DNAH10: variants seen among roughly 807,000 people sequenced by gnomAD.
DNAH10 encodes the protein dynein axonemal heavy chain 10.
Under a neutral mutation model 506.6 loss-of-function variants are expected in DNAH10, and 348 were observed. The ratio of observed to expected loss-of-function variants is 0.69; its 90% CI spans 0.63 to 0.75. The LOEUF (loss-of-function observed/expected upper bound fraction) is 0.75, where lower values mean the gene tolerates loss of function less well. DNAH10 is among the 30% of genes least tolerant of loss of function. The probability of loss-of-function intolerance (pLI) is 0.00; values close to 1 mark genes in which losing one functional copy is unlikely to be tolerated. For synonymous variants in DNAH10, 2,059 were observed against 2,198.6 expected, an observed-to-expected ratio of 0.94 and a Z score of 1.78; for missense variants, 5,179 against 5,787.1, an observed-to-expected ratio of 0.89 and a Z score of 3.41.
chr12:123,797,744 T>A (rs532361782), intron 13 of DNAH10, among the ~76,000 whole-genome samples: 23 of 152,262 alleles, frequency 1.5e-4, no homozygotes, highest in African/African-American at 4.1e-4. Flanking sequence ...TCTTCCAGAA[T>A]GTGGTCATGT....
chr12:123,931,025 A>G (rs775196727), intron 73 of DNAH10, among the ~76,000 whole-genome samples: 7 of 152,192 alleles, frequency 4.6e-5, no homozygotes, highest in African/African-American at 7.2e-5. Flanking sequence ...TCTACAAAAA[A>G]TAAACAAAAA....
rs531955142 is a variant in DNAH10, at chr12:123,933,296, C to T, written c.13297-35C>T. 222 of 1,413,338 alleles carry T rather than the reference C, an allele frequency of 1.6e-4. 1 individual carries two copies. The highest frequency in any genetic ancestry group is 1.1e-3 in the Middle Eastern group (4 of 3,774). The allele number at this position is 1,413,338 out of a possible 1,614,324, so 87.5% of individuals were successfully genotyped here. A position where few individuals can be genotyped will look rare whatever the true frequency, so the allele number is the denominator to read the frequency against. On this transcript the variant is annotated intron_variant, in intron 76 of 78. Coordinates refer to ENST00000673944, the MANE Select transcript of DNAH10 (RefSeq NM_001372106.1). ...TTTGACCTGGCATTGGATGGCAGCC[C>T]CAGGCTCCCAGCACTTGTCCTCTCT... is the stretch of plus-strand genomic sequence containing the variant.
At position 123,935,486 on chromosome 12, in the gene DNAH10, T is replaced by C. The variant is rs1278131029; in HGVS notation, c.*5T>C. ...CTCACCCTGAATTCTGATTAACCTT[T>C]GGGTGAAGAAAACTGCTTAATGAAT... On this transcript the variant is annotated 3_prime_UTR_variant, in exon 79 of 79. Coordinates refer to ENST00000673944, the MANE Select transcript of DNAH10 (RefSeq NM_001372106.1). The C allele has an allele frequency of 8.2e-6, 13 of 1,576,314 alleles. No individual in the cohort carries two copies. Among genetic ancestry groups the C allele is most frequent in the Non-Finnish European group, 1.1e-5 (13 of 1,149,754 alleles).
chr12:123,878,822 C>T (rs563032263), intron 48 of DNAH10, among the ~76,000 whole-genome samples: 1 of 152,188 alleles, frequency 6.6e-6, no homozygotes, highest in East Asian at 1.9e-4. Flanking sequence ...TCACTTAAGC[C>T]CAGGAATTTG....
At chr12:123,920,482 T>C (rs1016929331) in intron 65 of DNAH10, among the ~76,000 whole-genome samples, 1 of 152,230 alleles carries the variant, frequency 6.6e-6, no homozygotes, top group Non-Finnish European at 1.5e-5. Context: ...CCAATAAAAC[T>C]TTTTTAGCAA....
chr12:123,904,139 A>G (rs1005122565), intron 57 of DNAH10, among the ~76,000 whole-genome samples: 1 of 152,194 alleles, frequency 6.6e-6, no homozygotes, highest in African/African-American at 2.4e-5. Flanking sequence ...TCACTCCAGG[A>G]CAGAATGACC....
In DNAH10 at chr12:123,929,855, C is replaced by G. The variant is rs187566230; in HGVS notation, c.12612+96C>G. The G allele has an allele frequency of 2.5e-4, 267 of 1,086,110 alleles. No individual in the cohort carries two copies. In the African/African-American group the frequency reaches 3.5e-3, roughly 14 times the overall value. 67.3% of individuals were successfully genotyped at this position (1,086,110 alleles called of 1,614,324 possible). ...TCCTCTGAGCCCTCAGAACCAGCCTCTTCTGCCCCTGTGTTCCCCTTGGGT... is the reference window on the plus strand; with the variant it reads ...TCCTCTGAGCCCTCAGAACCAGCCTGTTCTGCCCCTGTGTTCCCCTTGGGT... On this transcript the variant is annotated intron_variant, in intron 72 of 78. Transcript: ENST00000673944.
rs777063479 is a variant in DNAH10 at position 123,926,724 on chromosome 12, C to T, written c.12009C>T (p.Gly4003=). 1.2e-6 allele frequency: 2 copies of T among 1,613,988 alleles called. No individual in the cohort carries two copies. The highest frequency in any genetic ancestry group is 2.2e-5 in the South Asian group (2 of 91,088). ...CCATTGTGTTTATCCTGAGTCCTGG[C>T]TCCGACCCTGCCACTGATCTTATGA... ...HSPIVFILSP[G]SDPATDLMKL... The change falls in exon 69 of 79, where the codon GGC becomes GGT. Residue 4003 remains glycine, a synonymous_variant. Transcript: ENST00000673944. The surrounding 1 kb of genome is among the most constrained non-coding windows in gnomAD (Gnocchi z 4.1).
In DNAH10 at chr12:123,846,127, C is replaced by A. The variant is rs371272986; in HGVS notation, c.5787C>A (p.Thr1929=). Residue 1929 remains threonine (T), a synonymous_variant, in exon 32 of 79, where the codon ACC becomes ACA. Transcript: ENST00000673944. The surrounding 1 kb of genome is among the most constrained non-coding windows in gnomAD (Gnocchi z 4.5). ...GCAGGCTGGTCATCACGCCCCTCAC[C>A]GATCGGATTTACCTGACGCTCACCC... is the stretch of plus-strand genomic sequence containing the variant. ...LNGRLVITPL[T]DRIYLTLTQA... 1.2e-6 allele frequency: 2 copies of A among 1,613,586 alleles called. No homozygotes were observed. Among genetic ancestry groups the A allele is most frequent in the African/African-American group, 2.7e-5 (2 of 74,940 alleles).
chr12:123,795,068 A>G (rs1958225099), intron 12 of DNAH10, among the ~76,000 whole-genome samples: 1 of 149,372 alleles, frequency 6.7e-6, no homozygotes, highest in Admixed American at 6.7e-5. Flanking sequence ...GAGTCGCTTG[A>G]ACCCGGGAAG....
intron 21 of DNAH10, 48 bp downstream of exon 21, chr12:123,813,960 C>T (rs776324230): frequency 6.7e-7 from 1 of 1,503,574 alleles, no homozygotes; most frequent in Admixed American, 2.6e-5. Context: ...GGATTGACCA[C>T]TAACGACCCT....
In DNAH10 at chr12:123,926,580, C is replaced by G. The variant is rs1009709049; in HGVS notation, c.11922-57C>G. On this transcript the variant is annotated intron_variant, in intron 68 of 78. Coordinates refer to ENST00000673944, the MANE Select transcript of DNAH10 (RefSeq NM_001372106.1). This position sits in a 1 kb window ranked among gnomAD's most constrained non-coding sequence, Gnocchi z 4.1. ...AGGCAGCGCTGATCAGACAGACCAG[C>G]CCCTGGTCTGGAGCTGTCCTCGCGG... 3.2e-5 allele frequency: 50 copies of G among 1,565,934 alleles called. No individual in the cohort carries two copies. Among genetic ancestry groups the G allele is most frequent in the East Asian group, 1.4e-4 (6 of 44,420 alleles).
At chr12:123,770,011 C>T (rs1957190649) in intron 2 of DNAH10, among the ~76,000 whole-genome samples, 1 of 150,356 alleles carries the variant, frequency 6.7e-6, no homozygotes, top group Non-Finnish European at 1.5e-5. Context: ...GAGGCCAAGG[C>T]AGGAGGATCA....
chr12:123,899,886 A>G (rs1268884489), intron 56 of DNAH10, among the ~76,000 whole-genome samples: 2 of 152,204 alleles, frequency 1.3e-5, no homozygotes, highest in Non-Finnish European at 2.9e-5. Flanking sequence ...TGTTGCTTGC[A>G]ACCAAAGCAA....
At chr12:123,838,128 A>G (rs1167535380) in intron 28 of DNAH10, among the ~76,000 whole-genome samples, 2 of 152,178 alleles carry the variant, frequency 1.3e-5, no homozygotes, top group African/African-American at 2.4e-5. Flanking sequence ...ATGGGCGCCT[A>G]CTGTGTGTAA....
At chr12:123,786,428 G>A (rs1019459200) in intron 9 of DNAH10, among the ~76,000 whole-genome samples, 2 of 149,832 alleles carry the variant, frequency 1.3e-5, no homozygotes, top group African/African-American at 2.5e-5. Context: ...AAAAGAAAAC[G>A]TGTGCCTTTT....
chr12:123,866,102 A>G, intron 41 of DNAH10, 29 bp downstream of exon 41: 1 of 1,543,496 alleles, frequency 6.5e-7, no homozygotes, highest in Non-Finnish European at 8.8e-7. Flanking sequence ...ATGAACTTAA[A>G]TTTATTAGTA....
At position 123,850,797 on chromosome 12, in the gene DNAH10, C is replaced by A; in HGVS notation, c.6103-91C>A. On this transcript the variant is annotated intron_variant, in intron 34 of 78. Coordinates refer to ENST00000673944, the MANE Select transcript of DNAH10 (RefSeq NM_001372106.1). The surrounding 1 kb of genome is among the most constrained non-coding windows in gnomAD (Gnocchi z 5.5). ...TCAGCCTCATACCATGAAAATGAAT[C>A]GCCACGCAGCTCGCCGCAGGCCCCC... The A allele has an allele frequency of 7.6e-7, 1 of 1,307,284 alleles. No homozygotes were observed. Among genetic ancestry groups the A allele is most frequent in the South Asian group, 1.4e-5 (1 of 69,306 alleles). 81.0% of individuals were successfully genotyped at this position (1,307,284 alleles called of 1,614,324 possible).
intron 2 of DNAH10, among the ~76,000 whole-genome samples, chr12:123,770,519 T>C (rs1957213881): frequency 6.7e-6 from 1 of 148,634 alleles, no homozygotes; most frequent in African/African-American, 2.5e-5. Flanking sequence ...TACTGTAGTC[T>C]ATTGCTAGTT....
Sources: allele counts gnomAD v4.1 joint callset (sites outside exome capture counted in the v4.1 genomes callset), GRCh38; gene constraint gnomAD v4.1.1; non-coding constraint Gnocchi (gnomAD v3.1); transcripts MANE v1.5; gene names NCBI Gene and HGNC (gene_info 2026-07-23, HGNC 2026-07-21).